The following THBS4 variants were observed in gnomAD, a reference collection of about 807,000 sequenced individuals.
The protein encoded by THBS4 is thrombospondin 4.
THBS4 carries 90 observed loss-of-function variants against 115.7 expected under a neutral mutation model. That is an observed-to-expected ratio of 0.78 (90% CI 0.66 to 0.93). The LOEUF (loss-of-function observed/expected upper bound fraction) is 0.93, where lower values mean the gene tolerates loss of function less well. Ranked by LOEUF, THBS4 falls within the 40% of genes least tolerant of loss-of-function variation. THBS4 has a pLI of 0.00. For synonymous variants in THBS4, 460 were observed against 479.3 expected, an observed-to-expected ratio of 0.96 and a Z score of 0.53; for missense variants, 1,087 against 1,232.7, an observed-to-expected ratio of 0.88 and a Z score of 1.77.
Position 80,076,463 on chromosome 5 carries a change from AC to A in THBS4, c.1893-391del, listed in dbSNP as rs1488291209. The stretch of plus-strand genomic sequence containing the variant: ...GAGGTCAGGTGTCATGCCTGAGGTC[AC>A]ACGCTGGGCACAGTGGCTGAGCCAG... On this transcript the variant is annotated intron_variant, in intron 15 of 21. Transcript: ENST00000350881. Among the ~76,000 whole-genome samples, 3 of 152,206 alleles carry A rather than the reference AC, an allele frequency of 2.0e-5. No homozygotes were observed. The East Asian group carries it at 5.8e-4, about 29-fold the overall frequency.
chr5:80,008,810 C>A (rs1317077663), intron 2 of THBS4, among the ~76,000 whole-genome samples: 1 of 152,124 alleles, frequency 6.6e-6, no homozygotes, highest in African/African-American at 2.4e-5. Flanking sequence ...TGTCAGATGT[C>A]TGGTGGGGAG....
intron 15 of THBS4, among the ~76,000 whole-genome samples, chr5:80,074,792 T>A (rs1743113720): frequency 6.6e-6 from 1 of 152,138 alleles, no homozygotes; most frequent in African/African-American, 2.4e-5. Context: ...TTTGTATTTT[T>A]AGTAGAGACA....
intron 13 of THBS4, 168 bp from the exon 14 acceptor site, chr5:80,072,110 T>G: frequency 3.0e-6 from 2 of 660,034 alleles, no homozygotes; most frequent in Non-Finnish European, 2.8e-6. Context: ...CATTTTTAAG[T>G]CTCCCAGAAT....
Position 80,059,438 on chromosome 5 carries a change from A to C in THBS4, c.733-2A>C. Reference sequence around the variant, plus strand: ...CCTTTTTTCCCCTTCTCATTTTTAAAGGTTAAGGAAACATCATTTTTGCGA... The same window carrying C: ...CCTTTTTTCCCCTTCTCATTTTTAACGGTTAAGGAAACATCATTTTTGCGA... On this transcript the variant is annotated splice_acceptor_variant, in intron 5 of 21. Coordinates refer to ENST00000350881, the MANE Select transcript of THBS4 (RefSeq NM_003248.6). LOFTEE classifies it high-confidence loss of function. The C allele has an allele frequency of 6.2e-7, 1 of 1,613,752 alleles. No homozygotes were observed. Among genetic ancestry groups the C allele is most frequent in the East Asian group, 2.2e-5 (1 of 44,864 alleles).
chr5:80,037,516 T>A (rs1832754033), intron 1 of THBS4, among the ~76,000 whole-genome samples: 2 of 152,186 alleles, frequency 1.3e-5, no homozygotes, highest in Admixed American at 1.3e-4. Flanking sequence ...GTAATAACAT[T>A]AATAGAAAAT....
chr5:80,009,958 C>G (rs1004032800), intron 2 of THBS4, among the ~76,000 whole-genome samples: 5 of 152,006 alleles, frequency 3.3e-5, no homozygotes, highest in African/African-American at 1.2e-4. Flanking sequence ...CATAGTGAGA[C>G]CCTGTTTCTA....
At chr5:80,073,390 G>T (rs3749685) in intron 15 of THBS4, 63 bp downstream of exon 15, 250,201 of 1,182,510 alleles carry the variant, frequency 0.21, 19,139 homozygotes, top group African/African-American at 0.38. Flanking sequence ...TTTTTGGTTT[G>T]TTTTTTTTTT....
chr5:80,036,730 G>C (rs530319533), intron 1 of THBS4, among the ~76,000 whole-genome samples: 1 of 152,254 alleles, frequency 6.6e-6, no homozygotes, highest in African/African-American at 2.4e-5. Flanking sequence ...GGCCCTAACT[G>C]GTCAGGCGTG....
chr5:80,060,064 G>A (rs1320600693), intron 7 of THBS4, among the ~76,000 whole-genome samples, 159 bp downstream of exon 7: 1 of 152,210 alleles, frequency 6.6e-6, no homozygotes, highest in Non-Finnish European at 1.5e-5. Flanking sequence ...AGGGATGGCG[G>A]AAGGAGACAT....
rs1377363246 is a variant in THBS4 at position 80,073,281 on chromosome 5, G to A, written c.1846G>A (p.Val616Met). 1 of 1,613,918 alleles carries A rather than the reference G, an allele frequency of 6.2e-7. No homozygotes were observed. The highest frequency in any genetic ancestry group is 8.5e-7 in the Non-Finnish European group (1 of 1,179,988). The change falls in exon 15 of 22, where the codon GTG (valine) becomes ATG (methionine). Residue 616 changes from valine (V) to methionine (M), a missense_variant. By Grantham distance (21) the Val-to-Met change is conservative. Coordinates refer to ENST00000350881, the MANE Select transcript of THBS4 (RefSeq NM_003248.6). ...TGTGCTGTTCTCTTTGCAGTCTGAT[G>A]TGGATAATGATCTGGTTGGGGACTC... is the stretch of plus-strand genomic sequence containing the variant. ...PDVSNPNQSD[V>M]DNDLVGDSCD...
At chr5:80,041,363 A>G (rs1249645618) in intron 2 of THBS4, among the ~76,000 whole-genome samples, 1 of 152,140 alleles carries the variant, frequency 6.6e-6, no homozygotes, top group Non-Finnish European at 1.5e-5. Context: ...CACACTGGAG[A>G]TTAGGAGTTC....
At chr5:79,991,516 T>C in intron 1 of THBS4, 1 of 339,420 alleles carries the variant, frequency 2.9e-6, no homozygotes, top group Non-Finnish European at 5.3e-6. Flanking sequence ...TAAATCTGTG[T>C]GATGCCTAAA....
At chr5:80,063,614 C>T (rs1044426371) in intron 8 of THBS4, among the ~76,000 whole-genome samples, 2 of 152,018 alleles carry the variant, frequency 1.3e-5, no homozygotes, top group African/African-American at 4.8e-5. Flanking sequence ...CCTTGGAGGG[C>T]ATGATTTTTT....
At position 80,067,960 on chromosome 5, in the gene THBS4, T is replaced by C; in HGVS notation, c.1195-13T>C. 6.2e-7 allele frequency: 1 copy of C among 1,613,602 alleles called. No homozygotes were observed. Among genetic ancestry groups the C allele is most frequent in the Non-Finnish European group, 8.5e-7 (1 of 1,179,792 alleles). On this transcript the variant is annotated splice_polypyrimidine_tract_variant and intron_variant, in intron 9 of 21. Coordinates refer to ENST00000350881, the MANE Select transcript of THBS4 (RefSeq NM_003248.6). ...CAGCTTTCAGCTCATCACCTGATCT[T>C]TGTTCCTTGCAGGGATCTTACCGCT...
At chr5:80,014,323 T>C (rs1246672931) in intron 2 of THBS4, among the ~76,000 whole-genome samples, 2 of 152,238 alleles carry the variant, frequency 1.3e-5, no homozygotes, top group African/African-American at 4.8e-5. Context: ...CTTCAGGTGA[T>C]GTGCCAATGG....
intron 15 of THBS4, chr5:80,074,186 G>A (rs1205718948): frequency 6.6e-6 from 1 of 152,158 alleles, no homozygotes; most frequent in East Asian, 1.9e-4. Context: ...TCCCAAAATA[G>A]AAGGCTGTCA....
chr5:79,999,299 C>A (rs1325610951), intron 2 of THBS4, among the ~76,000 whole-genome samples: 2 of 151,992 alleles, frequency 1.3e-5, no homozygotes, highest in Non-Finnish European at 2.9e-5. Context: ...TTATACTATC[C>A]CTGTGAGGAA....
intron 2 of THBS4, among the ~76,000 whole-genome samples, chr5:80,025,730 C>T (rs1167480833): frequency 6.6e-6 from 1 of 152,178 alleles, no homozygotes; most frequent in Non-Finnish European, 1.5e-5. Flanking sequence ...GACCCTTTGT[C>T]GCCTCTCACC....
At chr5:80,033,253 G>A (rs559489737), upstream of THBS4, 127 of 413,030 alleles carry the variant, frequency 3.1e-4, 3 homozygotes, top group Admixed American at 1.7e-3. Context: ...GCACTGCAGG[G>A]TGCCCTCCAA....
Sources: gnomAD v4.1 joint callset for allele counts (sites outside exome capture counted in the v4.1 genomes callset) on GRCh38, gnomAD v4.1.1 for gene constraint, MANE v1.5 for transcripts, NCBI Gene and HGNC (gene_info 2026-07-23, HGNC 2026-07-21) for gene names.